CNTN5: variants seen among roughly 807,000 people sequenced by gnomAD.
CNTN5 encodes contactin-5.
A neutral mutation model predicts 129.1 loss-of-function variants in CNTN5; 77 were observed. The ratio of observed to expected loss-of-function variants is 0.60; its 90% CI spans 0.50 to 0.72. The LOEUF is 0.72. Ranked by LOEUF, CNTN5 falls within the 30% of genes least tolerant of loss-of-function variation. The pLI is 0.00. For synonymous variants in CNTN5, 509 were observed against 465.6 expected, an observed-to-expected ratio of 1.09 and a Z score of -1.20; for missense variants, 1,478 against 1,328.8, an observed-to-expected ratio of 1.11 and a Z score of -1.75.
In CNTN5 at chr11:99,295,632, T is replaced by C. The variant is rs564249840; in HGVS notation, c.-209-29714T>C. ...TGGCTCACGCCTGTAATCCCAGCAC[T>C]TTGGGAGGCCGAGGCGGGTGGATCA... On this transcript the variant is annotated intron_variant, in intron 1 of 24. Coordinates refer to ENST00000524871, the MANE Select transcript of CNTN5 (RefSeq NM_014361.4). Among the ~76,000 whole-genome samples, 23 of 151,326 alleles carry C rather than the reference T, an allele frequency of 1.5e-4. 1 individual carries two copies. In the South Asian group the frequency reaches 4.8e-3, roughly 32 times the overall value.
chr11:99,572,636 G>A (rs558665117), intron 3 of CNTN5, among the ~76,000 whole-genome samples: 2 of 151,984 alleles, frequency 1.3e-5, no homozygotes, highest in African/African-American at 4.8e-5. Context: ...AGCATCAAAG[G>A]GCTTGCTCAG....
At chr11:100,042,961 G>A (rs1300344320) in intron 9 of CNTN5, among the ~76,000 whole-genome samples, 2 of 152,136 alleles carry the variant, frequency 1.3e-5, no homozygotes, top group African/African-American at 4.8e-5. Context: ...AAACAGAACT[G>A]TGCTCTTCCT....
At chr11:100,199,072 C>T (rs566868608) in intron 15 of CNTN5, among the ~76,000 whole-genome samples, 1 of 152,002 alleles carries the variant, frequency 6.6e-6, no homozygotes, top group African/African-American at 2.4e-5. Context: ...CAATGGAATG[C>T]TTGGGTATAC....
At chr11:99,879,720 C>T (rs10501925) in intron 6 of CNTN5, among the ~76,000 whole-genome samples, 35,042 of 151,970 alleles carry the variant, frequency 0.23, 4,143 homozygotes, top group African/African-American at 0.25. Flanking sequence ...CACTTTATTC[C>T]ATGCAATGCT....
At chr11:99,973,736 C>T (rs976720278) in intron 8 of CNTN5, among the ~76,000 whole-genome samples, 1 of 151,982 alleles carries the variant, frequency 6.6e-6, no homozygotes, top group Non-Finnish European at 1.5e-5. Context: ...ATTTTGTGAT[C>T]ATTTTTATTA....
intron 2 of CNTN5, among the ~76,000 whole-genome samples, chr11:99,547,260 C>A (rs757554479): frequency 6.6e-6 from 1 of 152,114 alleles, no homozygotes; most frequent in Non-Finnish European, 1.5e-5. Context: ...CTGCCTCGGC[C>A]TCCCAAGTGC....
At chr11:100,184,322 G>C (rs535249376) in intron 13 of CNTN5, among the ~76,000 whole-genome samples, 83 of 152,174 alleles carry the variant, frequency 5.5e-4, no homozygotes, top group African/African-American at 1.8e-3. Context: ...ATCACACATA[G>C]AGTAGTCAGT....
chr11:99,105,144 C>A (rs1263792517), intron 1 of CNTN5, among the ~76,000 whole-genome samples: 1 of 152,082 alleles, frequency 6.6e-6, no homozygotes, highest in Non-Finnish European at 1.5e-5. Flanking sequence ...TGCTATGTAT[C>A]CTTAGACGTG....
chr11:99,851,980 T>G (rs1947887721), intron 6 of CNTN5, among the ~76,000 whole-genome samples: 1 of 152,202 alleles, frequency 6.6e-6, no homozygotes, highest in Non-Finnish European at 1.5e-5. Flanking sequence ...CCACAGTATA[T>G]GCAAAGCTTT....
intron 13 of CNTN5, among the ~76,000 whole-genome samples, chr11:100,125,162 C>T (rs987771961): frequency 2.2e-4 from 33 of 152,066 alleles, no homozygotes; most frequent in African/African-American, 7.7e-4. Context: ...TTTATACAGG[C>T]ATTCTTTCCA....
intron 13 of CNTN5, among the ~76,000 whole-genome samples, chr11:100,125,390 G>T (rs548751483): frequency 6.6e-6 from 1 of 152,006 alleles, no homozygotes. Flanking sequence ...TCATCGTTCA[G>T]TTGCCACTTA....
chr11:99,721,105 C>T (rs536907293), intron 3 of CNTN5, among the ~76,000 whole-genome samples: 1 of 152,188 alleles, frequency 6.6e-6, no homozygotes, highest in East Asian at 1.9e-4. Context: ...GTCAAATTAC[C>T]ATCAGAATTC....
intron 13 of CNTN5, among the ~76,000 whole-genome samples, chr11:100,183,335 G>A (rs1316970288): frequency 2.6e-5 from 4 of 152,080 alleles, no homozygotes; most frequent in Non-Finnish European, 5.9e-5. Flanking sequence ...GCCCTAAGCT[G>A]AGAGCAACCC....
chr11:99,510,062 G>T (rs7943353), intron 2 of CNTN5, among the ~76,000 whole-genome samples: 8,762 of 151,510 alleles, frequency 0.058, 255 homozygotes, highest in South Asian at 0.08. Flanking sequence ...CTTAAATTGC[G>T]TAATACTGGC....
intron 3 of CNTN5, among the ~76,000 whole-genome samples, chr11:99,604,867 T>G (rs1383550997): frequency 1.8e-4 from 1 of 5,626 alleles, no homozygotes. Flanking sequence ...CATAACGAAA[T>G]GAAGGCAGAA....
At chr11:99,547,085 C>T (rs1384178233) in intron 2 of CNTN5, among the ~76,000 whole-genome samples, 3 of 148,788 alleles carry the variant, frequency 2.0e-5, no homozygotes, top group Non-Finnish European at 3.0e-5. Flanking sequence ...CTCACCGCAA[C>T]CTCCACTCCC....
intron 1 of CNTN5, among the ~76,000 whole-genome samples, chr11:99,076,133 A>C (rs889859151): frequency 1.3e-5 from 2 of 152,040 alleles, no homozygotes; most frequent in South Asian, 4.1e-4. Flanking sequence ...CAGGAGTTTG[A>C]GACCAACCTG....
chr11:99,860,658 G>A (rs754181409), intron 6 of CNTN5, among the ~76,000 whole-genome samples: 1 of 151,998 alleles, frequency 6.6e-6, no homozygotes, highest in Non-Finnish European at 1.5e-5. Context: ...CTGTTCCATT[G>A]GTCTGATTTT....
intron 9 of CNTN5, among the ~76,000 whole-genome samples, chr11:100,026,434 T>C (rs960854453): frequency 6.6e-6 from 1 of 152,128 alleles, no homozygotes; most frequent in African/African-American, 2.4e-5. Context: ...ATGGTTATAG[T>C]ATGTTTACTT....
Sources: allele counts gnomAD v4.1 joint callset (sites outside exome capture counted in the v4.1 genomes callset), GRCh38; gene constraint gnomAD v4.1.1; transcripts MANE v1.5; gene names NCBI Gene and HGNC (gene_info 2026-07-23, HGNC 2026-07-21).